CCSER1: variants seen among roughly 807,000 people sequenced by gnomAD.
CCSER1 encodes the protein serine-rich coiled-coil domain-containing protein 1.
A neutral mutation model predicts 82.0 loss-of-function variants in CCSER1; 41 were observed. That is an observed-to-expected ratio of 0.50 (90% confidence interval 0.39 to 0.65). The LOEUF is 0.65. CCSER1 is among the 30% of genes least tolerant of loss of function. CCSER1 has a pLI of 0.00. For synonymous variants in CCSER1, 414 were observed against 383.9 expected, an observed-to-expected ratio of 1.08 and a Z score of -0.92; for missense variants, 1,119 against 1,064.2, an observed-to-expected ratio of 1.05 and a Z score of -0.72.
chr4:90,673,993 C>T (rs1442750808), intron 6 of CCSER1, among the ~76,000 whole-genome samples: 1 of 151,908 alleles, frequency 6.6e-6, no homozygotes, highest in East Asian at 1.9e-4. Flanking sequence ...TACCTTCCCA[C>T]AGAAGCTGGG....
intron 10 of CCSER1, among the ~76,000 whole-genome samples, chr4:91,283,339 A>G (rs545678895): frequency 1.3e-3 from 204 of 152,150 alleles, no homozygotes; most frequent in Admixed American, 2.8e-3. Flanking sequence ...TGCATAGATT[A>G]GGGCCATTTT....
intron 4 of CCSER1, among the ~76,000 whole-genome samples, chr4:90,404,360 C>A (rs991649032): frequency 9.9e-5 from 15 of 152,146 alleles, no homozygotes; most frequent in Non-Finnish European, 5.9e-5. Flanking sequence ...TCCCTACCCC[C>A]ACCTGGTGGT....
At chr4:90,581,504 G>A (rs1369891523) in intron 5 of CCSER1, among the ~76,000 whole-genome samples, 1 of 152,122 alleles carries the variant, frequency 6.6e-6, no homozygotes, top group Non-Finnish European at 1.5e-5. Context: ...TAAGGGGTAT[G>A]TGTGTGTGTT....
intron 5 of CCSER1, among the ~76,000 whole-genome samples, chr4:90,530,989 T>C (rs1464189972): frequency 6.6e-6 from 1 of 152,222 alleles, no homozygotes; most frequent in Non-Finnish European, 1.5e-5. Context: ...GTAAAATGAT[T>C]GTCCTTAAAA....
intron 8 of CCSER1, among the ~76,000 whole-genome samples, chr4:90,862,976 A>G (rs1337564853): frequency 2.1e-5 from 3 of 146,206 alleles, no homozygotes; most frequent in Admixed American, 1.4e-4. Flanking sequence ...TTTAGGGTAC[A>G]TGTGCACAAT....
chr4:90,714,605 A>G (rs17017442), intron 6 of CCSER1, among the ~76,000 whole-genome samples: 34,507 of 151,874 alleles, frequency 0.23, 4,959 homozygotes, highest in African/African-American at 0.4. Context: ...GTGGGTTAAA[A>G]TAGGGACTCA....
At chr4:91,111,849 A>C (rs1458190859) in intron 10 of CCSER1, among the ~76,000 whole-genome samples, 2 of 148,308 alleles carry the variant, frequency 1.3e-5, no homozygotes, top group Non-Finnish European at 3.0e-5. Flanking sequence ...ACAATAAAAC[A>C]GAAAAAAAAA....
At chr4:91,212,303 A>T (rs1025987586) in intron 10 of CCSER1, among the ~76,000 whole-genome samples, 4 of 152,022 alleles carry the variant, frequency 2.6e-5, no homozygotes, top group Non-Finnish European at 4.4e-5. Context: ...GCTGTGCTCC[A>T]TTAAGCTCCT....
chr4:91,405,316 G>C (rs1752627816), intron 10 of CCSER1, among the ~76,000 whole-genome samples: 1 of 151,866 alleles, frequency 6.6e-6, no homozygotes. Context: ...ATTGAAGATG[G>C]ATTAAAGACT....
intron 9 of CCSER1, among the ~76,000 whole-genome samples, chr4:91,021,619 C>T (rs761636878): frequency 2.0e-5 from 3 of 151,960 alleles, no homozygotes; most frequent in Non-Finnish European, 2.9e-5. Context: ...TATGATTTTC[C>T]ATTAACTTAG....
chr4:91,309,510 T>C (rs1745305824), intron 10 of CCSER1, among the ~76,000 whole-genome samples: 1 of 152,080 alleles, frequency 6.6e-6, no homozygotes, highest in African/African-American at 2.4e-5. Flanking sequence ...CAAAATTTAA[T>C]GACCCTAAAG....
intron 6 of CCSER1, among the ~76,000 whole-genome samples, chr4:90,692,478 G>C (rs1276109252): frequency 6.6e-6 from 1 of 151,820 alleles, no homozygotes; most frequent in East Asian, 1.9e-4. Flanking sequence ...GATTAAAAGG[G>C]AAAAATTAAG....
chr4:91,100,048 C>A (rs1174669373), intron 10 of CCSER1, among the ~76,000 whole-genome samples: 1 of 152,174 alleles, frequency 6.6e-6, no homozygotes, highest in East Asian at 1.9e-4. Context: ...TTTTGATTTT[C>A]TTCCTTGTCT....
chr4:91,362,019 A>C (rs980968286), intron 10 of CCSER1, among the ~76,000 whole-genome samples: 1 of 151,852 alleles, frequency 6.6e-6, no homozygotes, highest in African/African-American at 2.4e-5. Context: ...GAAAACCATA[A>C]GGATATGTGG....
chr4:90,464,018 T>A (rs1412985423), intron 4 of CCSER1, among the ~76,000 whole-genome samples: 1 of 152,162 alleles, frequency 6.6e-6, no homozygotes, highest in African/African-American at 2.4e-5. Flanking sequence ...ATTTAAAATT[T>A]TAGTGTTTAA....
chr4:91,204,223 T>C (rs1415881089), intron 10 of CCSER1, among the ~76,000 whole-genome samples: 3 of 151,870 alleles, frequency 2.0e-5, no homozygotes, highest in African/African-American at 7.2e-5. Context: ...AAAGCATTGC[T>C]ACAATAACAA....
chr4:90,229,985 C>T (rs1744117416), intron 1 of CCSER1, among the ~76,000 whole-genome samples: 1 of 152,122 alleles, frequency 6.6e-6, no homozygotes, highest in Non-Finnish European at 1.5e-5. Context: ...TCCTGAGCGA[C>T]CTACAAAGAG....
chr4:90,797,843 T>A (rs1454377011), intron 7 of CCSER1, among the ~76,000 whole-genome samples: 1 of 152,254 alleles, frequency 6.6e-6, no homozygotes, highest in Non-Finnish European at 1.5e-5. Context: ...AGATGTCTGC[T>A]GTTAGCCTGA....
chr4:90,357,656 A>G (rs747223251), intron 3 of CCSER1, among the ~76,000 whole-genome samples: 1 of 152,066 alleles, frequency 6.6e-6, no homozygotes, highest in African/African-American at 2.4e-5. Context: ...GTATTAAAAA[A>G]GGAATGTGCA....
Sources: allele counts gnomAD v4.1 joint callset (sites outside exome capture counted in the v4.1 genomes callset), GRCh38; gene constraint gnomAD v4.1.1; transcripts MANE v1.5; gene names NCBI Gene and HGNC (gene_info 2026-07-23, HGNC 2026-07-21).